The following FAM76A variants were observed in gnomAD, a reference collection of about 807,000 sequenced individuals.
FAM76A encodes protein FAM76A.
A neutral mutation model predicts 46.2 loss-of-function variants in FAM76A; 32 were observed. The observed-to-expected ratio is 0.69, with a 90% CI of 0.52 to 0.93. The LOEUF (loss-of-function observed/expected upper bound fraction) is 0.93, where lower values mean the gene tolerates loss of function less well. FAM76A is among the 40% of genes least tolerant of loss of function. The pLI, the probability that FAM76A is intolerant of heterozygous loss-of-function variation, is 0.00. For synonymous variants in FAM76A, 137 were observed against 127.0 expected (o/e 1.08, Z -0.53); for missense variants, 274 against 361.5 (o/e 0.76, Z 1.96).
intron 4 of FAM76A, chr1:27,738,987 A>C (rs1214750009): frequency 3.5e-5 from 6 of 170,138 alleles, no homozygotes; most frequent in Admixed American, 3.2e-4. Flanking sequence ...AAGAAGATGG[A>C]GTGAACCTGG....
chr1:27,738,142 T>G (rs1022563554), intron 4 of FAM76A, among the ~76,000 whole-genome samples: 1 of 152,058 alleles, frequency 6.6e-6, no homozygotes, highest in Non-Finnish European at 1.5e-5. Context: ...GGAGGATCAC[T>G]TGAGCCCAGG....
At chr1:27,742,831 C>T (rs916384414) in intron 4 of FAM76A, among the ~76,000 whole-genome samples, 14 of 151,990 alleles carry the variant, frequency 9.2e-5, no homozygotes, top group Non-Finnish European at 1.8e-4. Flanking sequence ...GAGGCCGAGG[C>T]GGGCAGATCA....
At chr1:27,731,231 A>C (rs1256629748) in intron 2 of FAM76A, among the ~76,000 whole-genome samples, 2 of 127,364 alleles carry the variant, frequency 1.6e-5, no homozygotes. Flanking sequence ...TTCGAGACAC[A>C]GTTTTGCTGT....
chr1:27,738,299 G>A (rs983467787), intron 4 of FAM76A, among the ~76,000 whole-genome samples: 5 of 151,942 alleles, frequency 3.3e-5, no homozygotes, highest in African/African-American at 1.2e-4. Flanking sequence ...AGATCAGCCT[G>A]GCCAACATGG....
chr1:27,749,873 A>G (rs1405497171), intron 6 of FAM76A, among the ~76,000 whole-genome samples: 1 of 152,168 alleles, frequency 6.6e-6, no homozygotes, highest in Non-Finnish European at 1.5e-5. Context: ...ATGCATTTGC[A>G]TGTTTTTGTT....
rs756994514 is a variant in FAM76A at position 27,732,702 on chromosome 1, G to A, written c.201+45G>A. ...ACCTAACAGTGAGTACTAGGGTCTT[G>A]TGGAACCTTACCTTCTGTGGCCTAC... On this transcript the variant is annotated intron_variant, in intron 3 of 8. Coordinates refer to ENST00000373954, the MANE Select transcript of FAM76A (RefSeq NM_152660.3). 7 of 1,478,348 alleles carry A rather than the reference G, an allele frequency of 4.7e-6. No individual in the cohort carries two copies. The East Asian group carries it at 1.4e-4, about 29-fold the overall frequency. 91.6% of individuals were successfully genotyped at this position (1,478,348 alleles called of 1,614,324 possible).
At chr1:27,728,945 C>CG (rs778060285) in intron 2 of FAM76A, among the ~76,000 whole-genome samples, 1 of 148,692 alleles carries the variant, frequency 6.7e-6, no homozygotes, top group Non-Finnish European at 1.5e-5. Context: ...GCCTGGGTGA[C>CG]GGGGGGAAAC....
chr1:27,733,572 G>A (rs1358645289), intron 3 of FAM76A, among the ~76,000 whole-genome samples: 1 of 151,928 alleles, frequency 6.6e-6, no homozygotes, highest in Non-Finnish European at 1.5e-5. Flanking sequence ...TCATGGCCGG[G>A]CGTGGTGGCT....
Position 27,760,634 on chromosome 1 carries a change from G to T in FAM76A, c.*53G>T. On this transcript the variant is annotated 3_prime_UTR_variant, in exon 9 of 9. Coordinates refer to ENST00000373954, the MANE Select transcript of FAM76A (RefSeq NM_152660.3). ...AGCAAATGGAGTTGTCCAGGGTTAG[G>T]GTTGGAGACCTGGCTGTTCTGTGGG... is the stretch of plus-strand genomic sequence containing the variant. 1 of 1,349,326 alleles carries T rather than the reference G, an allele frequency of 7.4e-7. No individual in the cohort carries two copies. Among genetic ancestry groups the T allele is most frequent in the Admixed American group, 2.1e-5 (1 of 48,316 alleles). 83.6% of individuals were successfully genotyped at this position (1,349,326 alleles called of 1,614,324 possible).
rs1246450685 is a variant in FAM76A at position 27,755,231 on chromosome 1, T to C, written c.636T>C (p.Thr212=). 1.9e-6 allele frequency: 3 copies of C among 1,614,210 alleles called. No homozygotes were observed. Among genetic ancestry groups the C allele is most frequent in the South Asian group, 1.1e-5 (1 of 91,086 alleles). The change falls in exon 7 of 9, where the codon ACT becomes ACC. Residue 212 remains threonine, a synonymous_variant. Transcript: ENST00000373954. The part of the protein sequence containing the change: ...SPDLALDSPG[T]DHFVIIAQLK... The stretch of plus-strand genomic sequence containing the variant: ...ACCTGGCTCTGGACTCACCAGGCAC[T>C]GACCACTTTGTCATCATTGCCCAAC...
At chr1:27,751,676 T>C (rs906127242) in intron 6 of FAM76A, among the ~76,000 whole-genome samples, 1 of 151,548 alleles carries the variant, frequency 6.6e-6, no homozygotes, top group Non-Finnish European at 1.5e-5. Flanking sequence ...GCCTAATTTT[T>C]GTATTTGTAG....
In FAM76A at chr1:27,762,083, C is replaced by T. The variant is rs2088518899; in HGVS notation, c.*1502C>T. ...GTGGTATCACTATACCTTCTCCCCA[C>T]TCCTCACCCACCCGAGCCCATACAC... On this transcript the variant is annotated 3_prime_UTR_variant, in exon 9 of 9. Transcript: ENST00000373954. The T allele has an allele frequency of 6.6e-6, 1 of 152,124 alleles. No individual in the cohort carries two copies. Among genetic ancestry groups the T allele is most frequent in the African/African-American group, 2.4e-5 (1 of 41,412 alleles). 9.4% of individuals were successfully genotyped at this position (152,124 alleles called of 1,614,324 possible).
intron 4 of FAM76A, among the ~76,000 whole-genome samples, chr1:27,737,868 C>CAAAAAAAAAAAAAAAAAAAAAA (rs71571865): frequency 8.0e-5 from 5 of 62,718 alleles, no homozygotes; most frequent in Admixed American, 2.2e-4. Flanking sequence ...ACAACAACAA[C>CAAAAAAAAAAAAAAAAAAAAAA]AAAAAAAAAA....
chr1:27,732,570 A>G, intron 2 of FAM76A, 33 bp from the exon 3 acceptor site: 1 of 1,591,576 alleles, frequency 6.3e-7, no homozygotes, highest in Non-Finnish European at 8.6e-7. Context: ...CAGATATTCT[A>G]AGAAAAGCCT....
At chr1:27,755,135 C>G (rs2088388563) in intron 6 of FAM76A, 60 bp from the exon 7 acceptor site, 1 of 1,594,922 alleles carries the variant, frequency 6.3e-7, no homozygotes, top group African/African-American at 1.3e-5. Flanking sequence ...GATGCATCCT[C>G]AGGTAGAGAA....
At chr1:27,726,375 A>G (rs1013177617) in intron 1 of FAM76A, among the ~76,000 whole-genome samples, 8 of 152,100 alleles carry the variant, frequency 5.3e-5, no homozygotes, top group African/African-American at 9.7e-5. Flanking sequence ...CCGGGTGCTT[A>G]GCAACCGTGG....
In FAM76A at chr1:27,762,453, G is replaced by A. The variant is rs1180245429; in HGVS notation, c.*1872G>A. On this transcript the variant is annotated 3_prime_UTR_variant, in exon 9 of 9. Transcript: ENST00000373954. ...ATTATAGTACTAAATTTAACTTCTA[G>A]GCGTTTCCTGGAAGCAGATGCTCTA... is the stretch of plus-strand genomic sequence containing the variant. 1 of 152,066 alleles carries A rather than the reference G, an allele frequency of 6.6e-6. No homozygotes were observed. The highest frequency in any genetic ancestry group is 1.5e-5 in the Non-Finnish European group (1 of 68,022). 9.4% of individuals were successfully genotyped at this position (152,066 alleles called of 1,614,324 possible).
At chr1:27,759,776 T>A (rs1048529098) in intron 8 of FAM76A, 149 bp downstream of exon 8, 1 of 617,308 alleles carries the variant, frequency 1.6e-6, no homozygotes, top group Non-Finnish European at 2.7e-6. Context: ...GTTTTTTTTT[T>A]TTGTTTTTTT....
intron 6 of FAM76A, 65 bp from the exon 7 acceptor site, chr1:27,755,130 A>G (rs1042999964): frequency 4.0e-5 from 63 of 1,586,324 alleles, no homozygotes; most frequent in Non-Finnish European, 5.1e-5. Flanking sequence ...TCTAGGATGC[A>G]TCCTCAGGTA....
Sources: gnomAD v4.1 joint callset for allele counts (sites outside exome capture counted in the v4.1 genomes callset) on GRCh38, gnomAD v4.1.1 for gene constraint, MANE v1.5 for transcripts, NCBI Gene and HGNC (gene_info 2026-07-23, HGNC 2026-07-21) for gene names.